Variants in DNM1 observed in about 807,000 individuals in gnomAD.
DNM1 encodes the protein dynamin-1.
In DNM1, 29 loss-of-function variants were observed where a neutral mutation model predicts 104.6. The ratio of observed to expected loss-of-function variants is 0.28; its 90% CI spans 0.21 to 0.38. The LOEUF (loss-of-function observed/expected upper bound fraction) is 0.38, where lower values mean the gene tolerates loss of function less well. DNM1 is among the 10% of genes least tolerant of loss of function. The pLI is 1.00. For missense variants in DNM1, 640 were observed against 1,189.4 expected, an observed-to-expected ratio of 0.54 and a Z score of 6.79; for synonymous variants, 445 against 475.8, an observed-to-expected ratio of 0.94 and a Z score of 0.84.
intron 20 of DNM1, 104 bp from the exon 21 acceptor site, chr9:128,250,621 C>A: frequency 9.0e-7 from 1 of 1,112,752 alleles, no homozygotes; most frequent in Non-Finnish European, 1.2e-6. Context: ...CAGGGAGGGG[C>A]TTGCGTGCAT....
Position 128,220,733 on chromosome 9 carries a change from G to GCGCGCGCA in DNM1, c.849+399_849+400insACGCGCGC, listed in dbSNP as rs1554773759. Among the ~76,000 whole-genome samples the GCGCGCGCA allele has an allele frequency of 1.6e-5, 2 of 126,936 alleles. No homozygotes were observed. The highest frequency in any genetic ancestry group is 2.8e-5 in the African/African-American group (1 of 35,104). 83.3% of individuals were successfully genotyped at this position (126,936 alleles called of 152,430 possible). ...TGGGGCATCCAGAACTGAAGTGCGC[G>GCGCGCGCA]CGCGCGCGCGTGTGTGTGTGTGTGT... is the stretch of plus-strand genomic sequence containing the variant. On this transcript the variant is annotated intron_variant, in intron 6 of 21. Transcript: ENST00000372923. This position sits in a 1 kb window ranked among gnomAD's most constrained non-coding sequence, Gnocchi z 5.2.
At chr9:128,251,268 T>C (rs1312204432) in intron 21 of DNM1, 2 of 505,298 alleles carry the variant, frequency 4.0e-6, no homozygotes, top group Admixed American at 2.4e-5. Context: ...TCCTCCTCCT[T>C]TCTTCTTCTT....
intron 1 of DNM1, among the ~76,000 whole-genome samples, chr9:128,209,920 A>C (rs1459773042): frequency 6.6e-6 from 1 of 152,240 alleles, no homozygotes; most frequent in Non-Finnish European, 1.5e-5. Context: ...GGGTGAAGCC[A>C]GAGGAGGTCC....
intron 1 of DNM1, among the ~76,000 whole-genome samples, chr9:128,215,465 A>T (rs1834548005): frequency 6.6e-6 from 1 of 152,076 alleles, no homozygotes; most frequent in Non-Finnish European, 1.5e-5. Context: ...GAGATGGGCC[A>T]CCTCCCCATC....
intron 1 of DNM1, among the ~76,000 whole-genome samples, chr9:128,213,221 A>G (rs953589453): frequency 6.6e-6 from 1 of 152,108 alleles, no homozygotes; most frequent in African/African-American, 2.4e-5. Context: ...AGCTGGGACT[A>G]CAGGCGCACG....
In DNM1 at chr9:128,247,809, T is replaced by C. The variant is rs2131289119; in HGVS notation, c.1894-115T>C. The C allele has an allele frequency of 2.2e-6, 3 of 1,362,416 alleles. No individual in the cohort carries two copies. The highest frequency in any genetic ancestry group is 1.3e-5 in the South Asian group (1 of 74,576). The allele number at this position is 1,362,416 out of a possible 1,614,324, so 84.4% of individuals were successfully genotyped here. ...GGCGATGTCTAGAGTAGCCTGAGAG[T>C]TGGGGTGCAGTATCCCAGGTTCACT... On this transcript the variant is annotated intron_variant, in intron 17 of 21. Transcript: ENST00000372923. The surrounding 1 kb of genome is among the most constrained non-coding windows in gnomAD (Gnocchi z 5.1).
intron 19 of DNM1, among the ~76,000 whole-genome samples, chr9:128,249,393 A>AGC (rs1442709083): frequency 2.1e-4 from 32 of 152,112 alleles, no homozygotes; most frequent in Admixed American, 1.6e-3. Context: ...GCGGTAGTTC[A>AGC]TGCCTGTAAT....
chr9:128,236,860 C>A (rs151252685), intron 11 of DNM1, among the ~76,000 whole-genome samples: 6 of 152,210 alleles, frequency 3.9e-5, no homozygotes, highest in African/African-American at 1.4e-4. Flanking sequence ...TCAGTAATAC[C>A]CCAAAAAGCA....
chr9:128,234,471 T>C (rs7048615), intron 11 of DNM1, among the ~76,000 whole-genome samples: 1,694 of 152,216 alleles, frequency 0.011, 24 homozygotes, highest in African/African-American at 0.038. Context: ...TTCAAGTGAT[T>C]CTCTTGCCTC....
intron 1 of DNM1, among the ~76,000 whole-genome samples, chr9:128,210,808 C>A (rs1338660335): frequency 1.3e-5 from 2 of 151,988 alleles, no homozygotes; most frequent in Non-Finnish European, 1.5e-5. Flanking sequence ...CCACCCCAGT[C>A]CCACCCATGT....
intron 1 of DNM1, chr9:128,204,765 T>C: frequency 6.5e-6 from 1 of 152,796 alleles, no homozygotes; most frequent in Non-Finnish European, 1.5e-5. Flanking sequence ...TCTTGCTTTC[T>C]TCCAATGACC....
At chr9:128,238,331 T>G (rs1588421509) in intron 11 of DNM1, among the ~76,000 whole-genome samples, 1 of 151,584 alleles carries the variant, frequency 6.6e-6, no homozygotes, top group African/African-American at 2.4e-5. Context: ...TTCAAGTGAT[T>G]CCCCTGCCTC....
chr9:128,218,313 C>T lies in DNM1; in HGVS notation c.235+9C>T, dbSNP rs1834733486. 3 of 1,614,036 alleles carry T rather than the reference C, an allele frequency of 1.9e-6. No individual in the cohort carries two copies. The highest frequency in any genetic ancestry group is 2.5e-6 in the Non-Finnish European group (3 of 1,179,908). ...GGTCAATGCAACCACAGGTACGTGC[C>T]CTCCTTCACCAGCAGCCAGGCCTGC... On this transcript the variant is annotated intron_variant, in intron 2 of 21. Transcript: ENST00000372923. The surrounding 1 kb of genome is among the most constrained non-coding windows in gnomAD (Gnocchi z 4.8).
intron 15 of DNM1, 129 bp downstream of exon 15, chr9:128,242,474 G>A: frequency 1.7e-6 from 1 of 591,414 alleles, no homozygotes; most frequent in Admixed American, 3.0e-5. Flanking sequence ...AAGATCCGTG[G>A]GCAGGCTGGG....
At chr9:128,242,094 G>T in intron 14 of DNM1, 138 bp from the exon 15 acceptor site, 1 of 671,726 alleles carries the variant, frequency 1.5e-6, no homozygotes, top group Non-Finnish European at 2.7e-6. Context: ...AGGCAGGTCT[G>T]GCCCCCACCC....
chr9:128,217,334 C>T (rs1352223336), intron 1 of DNM1, among the ~76,000 whole-genome samples: 1 of 152,210 alleles, frequency 6.6e-6, no homozygotes, highest in South Asian at 2.1e-4. Context: ...GTAATAACAG[C>T]ACCTGCCTCA....
chr9:128,214,443 C>T (rs992318984), intron 1 of DNM1, among the ~76,000 whole-genome samples: 2 of 152,158 alleles, frequency 1.3e-5, no homozygotes, highest in South Asian at 2.1e-4. Flanking sequence ...GAAGAATGAC[C>T]GGCACTGGGT....
intron 19 of DNM1, 107 bp from the exon 20 acceptor site, chr9:128,250,008 G>T: frequency 2.0e-6 from 3 of 1,536,370 alleles, no homozygotes; most frequent in Non-Finnish European, 2.7e-6. Context: ...TGTAGGAGCC[G>T]CGTCTGAAAA....
chr9:128,207,676 G>GA (rs1834049577), intron 1 of DNM1, among the ~76,000 whole-genome samples: 1 of 152,144 alleles, frequency 6.6e-6, no homozygotes, highest in Non-Finnish European at 1.5e-5. Flanking sequence ...ACCCTGCCCA[G>GA]CTGCTATTTC....
Sources: gnomAD v4.1 joint callset for allele counts (sites outside exome capture counted in the v4.1 genomes callset) on GRCh38, gnomAD v4.1.1 for gene constraint, Gnocchi (gnomAD v3.1) non-coding constraint, MANE v1.5 for transcripts, NCBI Gene and HGNC (gene_info 2026-07-23, HGNC 2026-07-21) for gene names.